CAMTA1: variants seen among roughly 807,000 people sequenced by gnomAD.
The protein encoded by CAMTA1 is calmodulin binding transcription activator 1.
Under a neutral mutation model 170.9 loss-of-function variants are expected in CAMTA1, and 27 were observed. The ratio of observed to expected loss-of-function variants is 0.16; its 90% CI spans 0.12 to 0.22. The LOEUF is 0.22. Among genes scored for constraint, CAMTA1 ranks in the 10% least tolerant of loss-of-function variants. The probability of loss-of-function intolerance (pLI) is 1.00; values close to 1 mark genes in which losing one functional copy is unlikely to be tolerated. For missense variants in CAMTA1, 1,619 were observed against 2,217.2 expected (o/e 0.73, Z 5.42); for synonymous variants, 833 against 891.5 (o/e 0.93, Z 1.17).
intron 4 of CAMTA1, among the ~76,000 whole-genome samples, chr1:7,159,745 G>A (rs936403161): frequency 1.3e-5 from 2 of 151,980 alleles, no homozygotes; most frequent in Non-Finnish European, 2.9e-5. Flanking sequence ...ATGGGGTCTT[G>A]CTGTGTTGCA....
At chr1:7,206,243 T>A (rs978881527) in intron 4 of CAMTA1, among the ~76,000 whole-genome samples, 1 of 152,248 alleles carries the variant, frequency 6.6e-6, no homozygotes, top group East Asian at 1.9e-4. Flanking sequence ...ATTATATTTA[T>A]AAATTAATTT....
chr1:7,028,849 C>G (rs964112913), intron 3 of CAMTA1, among the ~76,000 whole-genome samples: 1 of 152,092 alleles, frequency 6.6e-6, no homozygotes, highest in South Asian at 2.1e-4. Context: ...AGAGACAATA[C>G]GCAAATTGTA....
intron 5 of CAMTA1, among the ~76,000 whole-genome samples, chr1:7,466,613 G>C (rs1327195756): frequency 6.6e-6 from 1 of 152,204 alleles, no homozygotes; most frequent in Non-Finnish European, 1.5e-5. Context: ...ACAACAGTGA[G>C]ATTAAAATGA....
At chr1:6,931,392 G>A (rs548066640) in intron 3 of CAMTA1, among the ~76,000 whole-genome samples, 2 of 152,204 alleles carry the variant, frequency 1.3e-5, no homozygotes, top group Non-Finnish European at 2.9e-5. Context: ...ATCCTGGCGT[G>A]TGTCTCTACA....
chr1:6,861,058 G>A (rs1019297226), intron 3 of CAMTA1, among the ~76,000 whole-genome samples: 1 of 149,484 alleles, frequency 6.7e-6, no homozygotes, highest in African/African-American at 2.5e-5. Context: ...TCCACCTCCC[G>A]GGTTCAAGTG....
At chr1:7,519,509 T>C (rs2094332126) in intron 6 of CAMTA1, among the ~76,000 whole-genome samples, 1 of 151,896 alleles carries the variant, frequency 6.6e-6, no homozygotes, top group Non-Finnish European at 1.5e-5. Context: ...CCAGGCTTTG[T>C]GGTTCTTCCT....
intron 11 of CAMTA1, among the ~76,000 whole-genome samples, chr1:7,726,130 C>T (rs2096684390): frequency 6.6e-6 from 1 of 152,256 alleles, no homozygotes; most frequent in South Asian, 2.1e-4. Context: ...AGTTATGGGA[C>T]TTACCCAGAG....
At chr1:7,191,126 T>C (rs368688688) in intron 4 of CAMTA1, among the ~76,000 whole-genome samples, 3 of 152,356 alleles carry the variant, frequency 2.0e-5, no homozygotes, top group African/African-American at 7.2e-5. Context: ...CAGCTCTGAT[T>C]ATAAGAGCCC....
chr1:6,952,929 G>A (rs189810618), intron 3 of CAMTA1, among the ~76,000 whole-genome samples: 53 of 152,218 alleles, frequency 3.5e-4, no homozygotes, highest in Non-Finnish European at 4.7e-4. Flanking sequence ...GGGATCCCCC[G>A]GATCTCATCA....
intron 4 of CAMTA1, among the ~76,000 whole-genome samples, chr1:7,198,347 C>T (rs937031161): frequency 2.0e-5 from 3 of 151,968 alleles, no homozygotes; most frequent in African/African-American, 7.3e-5. Context: ...CCCGACCTGT[C>T]ACTGGTCCTG....
intron 3 of CAMTA1, among the ~76,000 whole-genome samples, chr1:7,038,025 C>T (rs1167975332): frequency 5.9e-5 from 9 of 151,732 alleles, no homozygotes; most frequent in Non-Finnish European, 8.8e-5. Flanking sequence ...CTTAACCTCT[C>T]GAGGCCTCAG....
chr1:7,655,963 G>T (rs1303360114), intron 7 of CAMTA1, among the ~76,000 whole-genome samples: 1 of 152,188 alleles, frequency 6.6e-6, no homozygotes, highest in Non-Finnish European at 1.5e-5. Context: ...TGTGTCTGGA[G>T]GTGGGGCCCC....
At chr1:7,686,446 C>G (rs932059344) in intron 11 of CAMTA1, among the ~76,000 whole-genome samples, 6 of 151,746 alleles carry the variant, frequency 4.0e-5, no homozygotes, top group Non-Finnish European at 8.8e-5. Flanking sequence ...AGCAAAGCCC[C>G]CAGGGAGAGG....
chr1:7,166,179 G>A (rs1648381087), intron 4 of CAMTA1, among the ~76,000 whole-genome samples: 1 of 151,816 alleles, frequency 6.6e-6, no homozygotes, highest in African/African-American at 2.4e-5. Context: ...CCATTCTCCT[G>A]CCTCAGCCTC....
intron 3 of CAMTA1, among the ~76,000 whole-genome samples, chr1:6,846,024 A>G (rs1657970127): frequency 6.6e-6 from 1 of 152,202 alleles, no homozygotes; most frequent in East Asian, 1.9e-4. Flanking sequence ...TTATAAAACC[A>G]TCAGATCTCT....
At chr1:7,555,948 C>A (rs1420288053) in intron 6 of CAMTA1, among the ~76,000 whole-genome samples, 2 of 152,202 alleles carry the variant, frequency 1.3e-5, no homozygotes, top group Non-Finnish European at 2.9e-5. Flanking sequence ...AGCAGATCAG[C>A]AGGCGGCTGC....
intron 6 of CAMTA1, among the ~76,000 whole-genome samples, chr1:7,473,400 G>C (rs1272442919): frequency 6.6e-6 from 1 of 152,194 alleles, no homozygotes; most frequent in Non-Finnish European, 1.5e-5. Context: ...TAGAGCCCAG[G>C]CTCGGGGCTC....
At chr1:6,880,738 C>G (rs1365675537) in intron 3 of CAMTA1, among the ~76,000 whole-genome samples, 1 of 152,118 alleles carries the variant, frequency 6.6e-6, no homozygotes, top group Non-Finnish European at 1.5e-5. Flanking sequence ...TCTGTATGAT[C>G]ATGGGAGGGG....
At chr1:6,844,979 T>C (rs1273506005) in intron 3 of CAMTA1, among the ~76,000 whole-genome samples, 2 of 152,116 alleles carry the variant, frequency 1.3e-5, no homozygotes, top group Non-Finnish European at 2.9e-5. Context: ...CAATAAGATA[T>C]TTTACAACTG....
Sources: allele counts gnomAD v4.1 joint callset (sites outside exome capture counted in the v4.1 genomes callset), GRCh38; gene constraint gnomAD v4.1.1; transcripts MANE v1.5; gene names NCBI Gene and HGNC (gene_info 2026-07-23, HGNC 2026-07-21).